LNX1: variants seen among roughly 807,000 people sequenced by gnomAD.
The protein encoded by LNX1 is E3 ubiquitin-protein ligase LNX.
LNX1 carries 54 observed loss-of-function variants against 68.4 expected under a neutral mutation model. That is an observed-to-expected ratio of 0.79 (90% confidence interval 0.63 to 0.99). LNX1 has a LOEUF of 0.99. Among genes scored for constraint, LNX1 ranks in the 50% least tolerant of loss-of-function variants. LNX1 has a pLI of 0.00. For synonymous variants in LNX1, 336 were observed against 350.0 expected, an observed-to-expected ratio of 0.96 and a Z score of 0.45; for missense variants, 906 against 926.4, an observed-to-expected ratio of 0.98 and a Z score of 0.29.
At chr4:53,562,163 T>G (rs542831275) in intron 2 of LNX1, among the ~76,000 whole-genome samples, 12 of 152,284 alleles carry the variant, frequency 7.9e-5, no homozygotes, top group African/African-American at 2.4e-4. Context: ...CTAAAATAAG[T>G]CTCGCTCAGG....
intron 2 of LNX1, among the ~76,000 whole-genome samples, chr4:53,542,786 A>G (rs1434654206): frequency 1.3e-5 from 2 of 152,212 alleles, no homozygotes; most frequent in African/African-American, 2.4e-5. Flanking sequence ...TTGCAATTGC[A>G]TTTAAATCTG....
At chr4:53,652,020 T>TGTGTGAGAGAGAGAGAGAGA (rs1299346353) in intron 1 of LNX1, 1 of 106,924 alleles carries the variant, frequency 9.4e-6, no homozygotes, top group Non-Finnish European at 1.9e-5. Flanking sequence ...TGTGTGTGTG[T>TGTGTGAGAGAGAGAGAGAGA]GAGAGAGAGA....
At chr4:53,637,550 A>G (rs886267088) in intron 1 of LNX1, among the ~76,000 whole-genome samples, 5 of 152,214 alleles carry the variant, frequency 3.3e-5, no homozygotes, top group African/African-American at 9.6e-5. Flanking sequence ...GTGAAGTTGT[A>G]GCATTGCTCA....
At position 53,459,533 on chromosome 4, in the gene LNX1, T is replaced by A. The variant is rs1721365511; in HGVS notation, c.*1374A>T. ...ATTTTTCTGGATAATGTTTAAGAAA[T>A]TTACCTTAAATCTTGTTCTGTTTGT... is the stretch of plus-strand genomic sequence containing the variant. On this transcript the variant is annotated 3_prime_UTR_variant, in exon 11 of 11. Coordinates refer to ENST00000263925, the MANE Select transcript of LNX1 (RefSeq NM_001126328.3). 1 of 1,571,776 alleles carries A rather than the reference T, an allele frequency of 6.4e-7. No individual in the cohort carries two copies. The highest frequency in any genetic ancestry group is 1.4e-5 in the African/African-American group (1 of 73,758).
chr4:53,521,878 C>A (rs62323621), intron 2 of LNX1, among the ~76,000 whole-genome samples: 1 of 152,176 alleles, frequency 6.6e-6, no homozygotes, highest in Non-Finnish European at 1.5e-5. Flanking sequence ...TAGCTTACCA[C>A]AGCCTCAAAC....
In LNX1 at chr4:53,484,424, G is replaced by A. The variant is rs150298229; in HGVS notation, c.1351-2570C>T. ...CTAAAAATACAAAAATCAGCCAGTCGTGGTGGCAGGCACCTATAATCCCAG... is the reference window on the plus strand; with the variant it reads ...CTAAAAATACAAAAATCAGCCAGTCATGGTGGCAGGCACCTATAATCCCAG... On this transcript the variant is annotated intron_variant, in intron 6 of 10. Transcript: ENST00000263925. 3.9e-5 allele frequency among the ~76,000 whole-genome samples: 6 copies of A among 152,134 alleles called. No individual in the cohort carries two copies. The East Asian group carries it at 7.7e-4, about 20-fold the overall frequency.
At chr4:53,528,598 G>C (rs1359820381) in intron 2 of LNX1, among the ~76,000 whole-genome samples, 2 of 152,154 alleles carry the variant, frequency 1.3e-5, no homozygotes, top group Non-Finnish European at 2.9e-5. Flanking sequence ...GTACATGTAG[G>C]AGAAAACAGT....
At chr4:53,476,071 C>G (rs1222009345) in intron 9 of LNX1, among the ~76,000 whole-genome samples, 2 of 152,096 alleles carry the variant, frequency 1.3e-5, no homozygotes, top group Non-Finnish European at 2.9e-5. Flanking sequence ...CCGAGGCAGG[C>G]AGATTGATTG....
At chr4:53,474,733 T>C (rs1352848964) in intron 9 of LNX1, among the ~76,000 whole-genome samples, 3 of 151,646 alleles carry the variant, frequency 2.0e-5, no homozygotes. Context: ...CTTACCACTG[T>C]CCATTTAGAG....
intron 1 of LNX1, among the ~76,000 whole-genome samples, chr4:53,588,722 G>A (rs1352630367): frequency 1.3e-5 from 2 of 152,246 alleles, no homozygotes; most frequent in South Asian, 2.1e-4. Context: ...CATGCAGGGG[G>A]GTTGAGGTTC....
upstream of LNX1, among the ~76,000 whole-genome samples, chr4:53,595,713 G>T (rs1732721321): frequency 6.6e-6 from 1 of 152,176 alleles, no homozygotes; most frequent in Non-Finnish European, 1.5e-5. Flanking sequence ...TCTTGACAGG[G>T]AAATCTAAGG....
chr4:53,633,407 C>T (rs376044170), intron 1 of LNX1, among the ~76,000 whole-genome samples: 1 of 152,140 alleles, frequency 6.6e-6, no homozygotes, highest in Non-Finnish European at 1.5e-5. Context: ...TGCTTCTTCC[C>T]AGGATTTCTT....
At chr4:53,498,344 G>C (rs1388827836) in intron 5 of LNX1, among the ~76,000 whole-genome samples, 2 of 152,018 alleles carry the variant, frequency 1.3e-5, no homozygotes, top group African/African-American at 4.8e-5. Context: ...GGAATGAAGA[G>C]GAAGATTGAA....
chr4:53,476,682 G>C lies in LNX1; in HGVS notation c.1892+71C>G, dbSNP rs1268982293. ...TAGTGCCATGAATCAGCCCTAGAGAGTGAAAGAGTGGTTTAAGAAATGTAA... is the reference window on the plus strand; with the variant it reads ...TAGTGCCATGAATCAGCCCTAGAGACTGAAAGAGTGGTTTAAGAAATGTAA... On this transcript the variant is annotated intron_variant, in intron 9 of 10. Transcript: ENST00000263925. 6 of 1,302,106 alleles carry C rather than the reference G, an allele frequency of 4.6e-6. No individual in the cohort carries two copies. The South Asian group carries it at 5.9e-5, about 13-fold the overall frequency. 80.7% of individuals were successfully genotyped at this position (1,302,106 alleles called of 1,614,324 possible).
At chr4:53,551,894 C>T (rs1381345363) in intron 2 of LNX1, among the ~76,000 whole-genome samples, 1 of 152,158 alleles carries the variant, frequency 6.6e-6, no homozygotes, top group African/African-American at 2.4e-5. Context: ...AGATTTGCCA[C>T]CAGTAACACT....
chr4:53,485,654 G>A (rs1010357192), intron 6 of LNX1, among the ~76,000 whole-genome samples: 20 of 152,314 alleles, frequency 1.3e-4, no homozygotes, highest in Admixed American at 1.3e-3. Flanking sequence ...CTTTTGTGGT[G>A]TTTGAAGATA....
chr4:53,580,977 C>T (rs1023663790), intron 1 of LNX1, among the ~76,000 whole-genome samples: 17 of 152,152 alleles, frequency 1.1e-4, no homozygotes, highest in Admixed American at 1.0e-3. Flanking sequence ...TGAAGAACTT[C>T]CACTGACATT....
At chr4:53,471,950 C>A (rs914331947) in intron 9 of LNX1, among the ~76,000 whole-genome samples, 1 of 152,178 alleles carries the variant, frequency 6.6e-6, no homozygotes, top group South Asian at 2.1e-4. Flanking sequence ...GGATCTAGAA[C>A]TGGAAATACC....
intron 6 of LNX1, among the ~76,000 whole-genome samples, chr4:53,488,363 T>C (rs1724460825): frequency 6.6e-6 from 1 of 152,184 alleles, no homozygotes; most frequent in Non-Finnish European, 1.5e-5. Flanking sequence ...TCACTCTCAT[T>C]GCTCTCTCTT....
Sources: allele counts gnomAD v4.1 joint callset (sites outside exome capture counted in the v4.1 genomes callset), GRCh38; gene constraint gnomAD v4.1.1; transcripts MANE v1.5; gene names NCBI Gene and HGNC (gene_info 2026-07-23, HGNC 2026-07-21).